CCDC148: variants seen among roughly 807,000 people sequenced by gnomAD.
CCDC148 encodes the protein coiled-coil domain-containing protein 148.
A neutral mutation model predicts 85.7 loss-of-function variants in CCDC148; 89 were observed. That is an observed-to-expected ratio of 1.04 (90% CI 0.87 to 1.24). The LOEUF (loss-of-function observed/expected upper bound fraction) is 1.24. CCDC148 is among the 50% of genes most tolerant of loss of function. The pLI is 0.00. For missense variants in CCDC148, 692 were observed against 671.7 expected (o/e 1.03, Z -0.33); for synonymous variants, 230 against 213.9 (o/e 1.08, Z -0.66).
chr2:158,201,943 G>T (rs937114220), intron 11 of CCDC148, among the ~76,000 whole-genome samples: 1 of 152,148 alleles, frequency 6.6e-6, no homozygotes, highest in Admixed American at 6.6e-5. Flanking sequence ...TAGTGATAAA[G>T]TGTCATGATG....
chr2:158,322,254 G>T (rs185559970), intron 7 of CCDC148, among the ~76,000 whole-genome samples: 14 of 152,132 alleles, frequency 9.2e-5, no homozygotes, highest in African/African-American at 3.1e-4. Context: ...AAAAATAATT[G>T]TCCAAAAATA....
intron 9 of CCDC148, among the ~76,000 whole-genome samples, chr2:158,280,194 G>C (rs926587727): frequency 1.3e-5 from 2 of 152,168 alleles, no homozygotes; most frequent in African/African-American, 4.8e-5. Context: ...AAAGAGCATC[G>C]AGACTTGGAA....
Position 158,171,845 on chromosome 2 carries a change from T to C in CCDC148, c.*268A>G, listed in dbSNP as rs1574329041. On this transcript the variant is annotated 3_prime_UTR_variant, in exon 14 of 14. Transcript: ENST00000283233. ...GGATAACATAACCTCCAACATGTAG[T>C]TTACTAAATTATAGTATAAGTACTA... 4.6e-6 allele frequency: 1 copy of C among 215,340 alleles called. No homozygotes were observed. The highest frequency in any genetic ancestry group is 1.0e-4 in the East Asian group (1 of 9,704). The allele number at this position is 215,340 out of a possible 1,614,324, so 13.3% of individuals were successfully genotyped here.
At chr2:158,330,621 G>A (rs1226117771) in intron 7 of CCDC148, among the ~76,000 whole-genome samples, 1 of 152,160 alleles carries the variant, frequency 6.6e-6, no homozygotes, top group Non-Finnish European at 1.5e-5. Flanking sequence ...GAATTCAGCT[G>A]TGAATCCATC....
At chr2:158,311,440 A>T (rs998065594) in intron 8 of CCDC148, among the ~76,000 whole-genome samples, 1 of 152,198 alleles carries the variant, frequency 6.6e-6, no homozygotes, top group African/African-American at 2.4e-5. Flanking sequence ...AGCCTCGGCA[A>T]CAGAGGGAGA....
At chr2:158,191,823 T>C (rs1394628400) in intron 11 of CCDC148, among the ~76,000 whole-genome samples, 1 of 151,964 alleles carries the variant, frequency 6.6e-6, no homozygotes, top group Non-Finnish European at 1.5e-5. Context: ...GACAGACAAC[T>C]CTACAAAGCA....
chr2:158,359,889 C>T (rs1683854595), intron 1 of CCDC148, among the ~76,000 whole-genome samples: 1 of 152,180 alleles, frequency 6.6e-6, no homozygotes, highest in African/African-American at 2.4e-5. Flanking sequence ...CTGTGGATCC[C>T]ACCCATATGG....
chr2:158,428,420 A>C (rs1163176565), intron 1 of CCDC148, among the ~76,000 whole-genome samples: 3 of 152,180 alleles, frequency 2.0e-5, no homozygotes, highest in Middle Eastern at 3.4e-3. Flanking sequence ...GAAATATGAA[A>C]CATTGGAAGA....
intron 7 of CCDC148, among the ~76,000 whole-genome samples, chr2:158,333,588 C>A (rs550187909): frequency 2.6e-5 from 4 of 152,052 alleles, no homozygotes; most frequent in African/African-American, 9.7e-5. Context: ...CTTTCTGTCT[C>A]GTTGATCTTT....
intron 7 of CCDC148, among the ~76,000 whole-genome samples, chr2:158,325,016 C>T (rs2105224820): frequency 6.6e-6 from 1 of 151,794 alleles, no homozygotes; most frequent in South Asian, 2.1e-4. Flanking sequence ...CCCCTCTCGC[C>T]TGCATCTTCA....
chr2:158,440,156 A>G (rs985947145), intron 1 of CCDC148, among the ~76,000 whole-genome samples: 13 of 152,166 alleles, frequency 8.5e-5, no homozygotes, highest in African/African-American at 2.9e-4. Context: ...GGTGTGAGGC[A>G]CAGCACCCAG....
chr2:158,182,079 G>A (rs1199947661), intron 11 of CCDC148, among the ~76,000 whole-genome samples: 1 of 152,084 alleles, frequency 6.6e-6, no homozygotes, highest in African/African-American at 2.4e-5. Flanking sequence ...ACAGTGAACA[G>A]GGGTGTTCCT....
In CCDC148 at chr2:158,190,257, G is replaced by A. The variant is rs118136927; in HGVS notation, c.1371-11261C>T. ...ATCATGATTTTGGAGGGACAGCACA[G>A]GCAGAAATAATGTTGGCTTTCAGAA... is the stretch of plus-strand genomic sequence containing the variant. On this transcript the variant is annotated intron_variant, in intron 11 of 13. Coordinates refer to ENST00000283233, the MANE Select transcript of CCDC148 (RefSeq NM_138803.4). Among the ~76,000 whole-genome samples the A allele has an allele frequency of 2.0e-5, 3 of 152,054 alleles. No homozygotes were observed. The East Asian group carries it at 5.8e-4, about 29-fold the overall frequency.
intron 12 of CCDC148, chr2:158,178,109 G>A (rs2105260168): frequency 6.6e-6 from 1 of 152,152 alleles, no homozygotes; most frequent in East Asian, 1.9e-4. Context: ...TGTTTCCAGT[G>A]CCGGTGAGTA....
At chr2:158,369,231 G>C (rs1684331403) in intron 1 of CCDC148, among the ~76,000 whole-genome samples, 1 of 151,936 alleles carries the variant, frequency 6.6e-6, no homozygotes, top group African/African-American at 2.4e-5. Flanking sequence ...TAGTTTAATG[G>C]GAATAGCATT....
At chr2:158,264,318 C>T (rs965771967) in intron 9 of CCDC148, among the ~76,000 whole-genome samples, 1 of 152,014 alleles carries the variant, frequency 6.6e-6, no homozygotes, top group African/African-American at 2.4e-5. Flanking sequence ...CTTTTAATCT[C>T]TTCACTTGTT....
intron 11 of CCDC148, among the ~76,000 whole-genome samples, chr2:158,181,269 A>G (rs1684890137): frequency 6.6e-6 from 1 of 152,172 alleles, no homozygotes; most frequent in African/African-American, 2.4e-5. Flanking sequence ...CTAGTGAGGA[A>G]GAAATTGCAA....
chr2:158,181,175 G>A (rs1422312236), intron 11 of CCDC148, among the ~76,000 whole-genome samples: 2 of 152,122 alleles, frequency 1.3e-5, no homozygotes, highest in African/African-American at 4.8e-5. Flanking sequence ...CTCTTCCTTT[G>A]GGATATATAG....
intron 11 of CCDC148, among the ~76,000 whole-genome samples, chr2:158,181,841 A>G (rs1684919960): frequency 6.6e-6 from 1 of 151,884 alleles, no homozygotes; most frequent in Admixed American, 6.6e-5. Context: ...GGTTTTGATC[A>G]GGGAGAAGTA....
Sources: gnomAD v4.1 joint callset for allele counts (sites outside exome capture counted in the v4.1 genomes callset) on GRCh38, gnomAD v4.1.1 for gene constraint, MANE v1.5 for transcripts, NCBI Gene and HGNC (gene_info 2026-07-23, HGNC 2026-07-21) for gene names.